The following DISC1 variants were observed in gnomAD, a reference collection of about 807,000 sequenced individuals.
The protein encoded by DISC1 is disrupted in schizophrenia 1 protein.
Under a neutral mutation model 84.5 loss-of-function variants are expected in DISC1, and 57 were observed. That is an observed-to-expected ratio of 0.67 (90% CI 0.55 to 0.84). The LOEUF is 0.84. Ranked by LOEUF, DISC1 falls within the 40% of genes least tolerant of loss-of-function variation. The pLI, the probability that DISC1 is intolerant of heterozygous loss-of-function variation, is 0.00. For missense variants in DISC1, 1,000 were observed against 1,057.8 expected (o/e 0.95, Z 0.76); for synonymous variants, 411 against 415.2 (o/e 0.99, Z 0.12).
intron 10 of DISC1, among the ~76,000 whole-genome samples, chr1:231,999,846 CAAA>C (rs906103873): frequency 6.6e-6 from 1 of 150,842 alleles, no homozygotes; most frequent in African/African-American, 2.5e-5. Flanking sequence ...ACAACAACAA[CAAA>C]ACAACCAACT....
chr1:232,026,582 G>T (rs748688725), intron 12 of DISC1, 30 bp downstream of exon 12: 1 of 1,512,174 alleles, frequency 6.6e-7, no homozygotes, highest in Non-Finnish European at 9.1e-7. Flanking sequence ...GATGAAGCAA[G>T]GCAAAGTTAT....
chr1:231,896,191 T>C (rs763136495), intron 9 of DISC1, among the ~76,000 whole-genome samples: 6 of 152,144 alleles, frequency 3.9e-5, no homozygotes, highest in African/African-American at 1.4e-4. Flanking sequence ...TGGGGTCGCA[T>C]TCAATGGGAA....
Position 231,694,130 on chromosome 1 carries a change from T to C in DISC1, c.372T>C (p.Gly124=). 1 of 1,614,186 alleles carries C rather than the reference T, an allele frequency of 6.2e-7. No homozygotes were observed. Among genetic ancestry groups the C allele is most frequent in the Non-Finnish European group, 8.5e-7 (1 of 1,180,034 alleles). The change falls in exon 2 of 13, where the codon GGT becomes GGC. Residue 124 remains glycine, a synonymous_variant. Transcript: ENST00000439617. The stretch of plus-strand genomic sequence containing the variant: ...CGCACTTTGGGATTCAGCTCAGAGG[T>C]GGCACCAGATTGCCTGACAGGCTTA... ...TSAHFGIQLR[G]GTRLPDRLSW...
At chr1:231,768,664 T>C (rs1400267392) in intron 5 of DISC1, among the ~76,000 whole-genome samples, 1 of 152,222 alleles carries the variant, frequency 6.6e-6, no homozygotes, top group Non-Finnish European at 1.5e-5. Context: ...GTTCACTAAG[T>C]GCCAGATACT....
At chr1:231,876,661 G>GT (rs2085911013) in intron 9 of DISC1, among the ~76,000 whole-genome samples, 1 of 152,168 alleles carries the variant, frequency 6.6e-6, no homozygotes, top group Admixed American at 6.5e-5. Context: ...CACTCCACAC[G>GT]TTTTAGCATT....
chr1:231,757,704 T>C (rs886288651), intron 4 of DISC1, among the ~76,000 whole-genome samples: 1 of 152,316 alleles, frequency 6.6e-6, no homozygotes. Flanking sequence ...GGGAAGTTCA[T>C]GTATCTTTGC....
intron 9 of DISC1, among the ~76,000 whole-genome samples, chr1:231,870,085 G>T (rs2085349029): frequency 6.6e-6 from 1 of 152,126 alleles, no homozygotes; most frequent in Non-Finnish European, 1.5e-5. Context: ...AGTTCTTAGG[G>T]TGGGGCAGGA....
intron 4 of DISC1, among the ~76,000 whole-genome samples, chr1:231,751,912 A>G (rs2074640403): frequency 1.3e-5 from 2 of 152,224 alleles, no homozygotes; most frequent in African/African-American, 4.8e-5. Context: ...AGGGGGTAGT[A>G]TTATTTTATA....
At chr1:231,738,339 T>G (rs1280759551) in intron 3 of DISC1, among the ~76,000 whole-genome samples, 4 of 152,206 alleles carry the variant, frequency 2.6e-5, no homozygotes, top group Non-Finnish European at 5.9e-5. Context: ...ACACATTGCA[T>G]GCAGTTGTTG....
chr1:231,983,253 T>C (rs1663874354), intron 10 of DISC1, among the ~76,000 whole-genome samples: 1 of 151,726 alleles, frequency 6.6e-6, no homozygotes, highest in African/African-American at 2.4e-5. Flanking sequence ...GGCAATCTGC[T>C]ACGAAAAGGG....
chr1:231,723,159 A>G (rs2070098283), intron 3 of DISC1: 4 of 882,490 alleles, frequency 4.5e-6, no homozygotes, highest in Middle Eastern at 5.8e-4. Flanking sequence ...GGCCCTCCAT[A>G]TCTGCAGGTT....
At chr1:231,966,340 G>A (rs1220973793) in intron 10 of DISC1, among the ~76,000 whole-genome samples, 3 of 152,172 alleles carry the variant, frequency 2.0e-5, no homozygotes, top group East Asian at 1.9e-4. Context: ...AGTTAAGTGT[G>A]ATTTTCTCCT....
intron 3 of DISC1, among the ~76,000 whole-genome samples, chr1:231,739,437 T>C (rs1266112083): frequency 6.6e-6 from 1 of 152,228 alleles, no homozygotes; most frequent in East Asian, 1.9e-4. Flanking sequence ...CCCCAGGCCC[T>C]GGCAGGCTCA....
intron 9 of DISC1, among the ~76,000 whole-genome samples, chr1:231,820,562 A>ACTCATGGATGATCAAGCCAC (rs1328143990): frequency 6.6e-6 from 1 of 152,160 alleles, no homozygotes; most frequent in Non-Finnish European, 1.5e-5. Flanking sequence ...GAAAAAGGCA[A>ACTCATGGATGATCAAGCCAC]CTCATGGATG....
chr1:231,976,398 C>T (rs915403498), intron 10 of DISC1, among the ~76,000 whole-genome samples: 4 of 152,144 alleles, frequency 2.6e-5, no homozygotes, highest in Admixed American at 1.3e-4. Context: ...GAACAGTCAC[C>T]GCTAATGTGT....
intron 6 of DISC1, 97 bp from the exon 7 acceptor site, chr1:231,795,145 G>T: frequency 1.7e-6 from 2 of 1,176,268 alleles, no homozygotes; most frequent in South Asian, 2.5e-5. Flanking sequence ...TCGTCCATCA[G>T]ACCAGTGGAA....
At chr1:231,761,981 C>T (rs200373917) in intron 4 of DISC1, among the ~76,000 whole-genome samples, 3 of 152,052 alleles carry the variant, frequency 2.0e-5, no homozygotes, top group Non-Finnish European at 4.4e-5. Flanking sequence ...AAGTGCGTTT[C>T]GTTCCCACCG....
intron 1 of DISC1, among the ~76,000 whole-genome samples, chr1:231,651,360 A>G (rs1196578007): frequency 6.6e-6 from 1 of 152,068 alleles, no homozygotes; most frequent in African/African-American, 2.4e-5. Flanking sequence ...CTGGAGGTCC[A>G]CTCCAGACCC....
At chr1:231,967,886 C>T (rs937501249) in intron 10 of DISC1, among the ~76,000 whole-genome samples, 19 of 151,648 alleles carry the variant, frequency 1.3e-4, no homozygotes, top group African/African-American at 4.6e-4. Flanking sequence ...AACAAAATGG[C>T]GTGAATTAAA....
Sources: allele counts gnomAD v4.1 joint callset (sites outside exome capture counted in the v4.1 genomes callset), GRCh38; gene constraint gnomAD v4.1.1; transcripts MANE v1.5; gene names NCBI Gene and HGNC (gene_info 2026-07-23, HGNC 2026-07-21).